SPATA6: variants seen among roughly 807,000 people sequenced by gnomAD.
SPATA6 encodes spermatogenesis associated 6.
Under a neutral mutation model 65.3 loss-of-function variants are expected in SPATA6, and 56 were observed. The ratio of observed to expected loss-of-function variants is 0.86; its 90% CI spans 0.69 to 1.07. The LOEUF (loss-of-function observed/expected upper bound fraction) is 1.07, where lower values mean the gene tolerates loss of function less well. Among genes scored for constraint, SPATA6 ranks in the 50% least tolerant of loss-of-function variants. The pLI is 0.00. For missense variants in SPATA6, 590 were observed against 594.8 expected, an observed-to-expected ratio of 0.99 and a Z score of 0.08; for synonymous variants, 199 against 213.2, an observed-to-expected ratio of 0.93 and a Z score of 0.58.
At chr1:48,415,971 G>A (rs1424677813) in intron 3 of SPATA6, among the ~76,000 whole-genome samples, 2 of 152,174 alleles carry the variant, frequency 1.3e-5, no homozygotes, top group Admixed American at 6.5e-5. Context: ...TCAAGGCTGA[G>A]GAGCGTGGAT....
At chr1:48,419,983 C>T (rs1246903822) in intron 3 of SPATA6, among the ~76,000 whole-genome samples, 1 of 151,914 alleles carries the variant, frequency 6.6e-6, no homozygotes, top group African/African-American at 2.4e-5. Context: ...TTTTGTATGC[C>T]AATACTGACT....
At chr1:48,334,538 T>A (rs1398302106) in intron 11 of SPATA6, among the ~76,000 whole-genome samples, 1 of 152,148 alleles carries the variant, frequency 6.6e-6, no homozygotes, top group Non-Finnish European at 1.5e-5. Flanking sequence ...AAAAACCATA[T>A]GATTATATCA....
the SPATA6 span, among the ~76,000 whole-genome samples, chr1:48,263,951 C>T: frequency 2.6e-4 from 39 of 152,208 alleles, no homozygotes; most frequent in Non-Finnish European, 4.3e-4. Flanking sequence ...CCTCAGCCTC[C>T]CAAGTAGCTA....
chr1:48,364,760 C>A (rs549677627), intron 9 of SPATA6, among the ~76,000 whole-genome samples: 2 of 152,282 alleles, frequency 1.3e-5, no homozygotes, highest in South Asian at 4.1e-4. Flanking sequence ...CCTGTTCACT[C>A]TGATGGTAGT....
chr1:48,364,901 A>C (rs1303163949), intron 9 of SPATA6, among the ~76,000 whole-genome samples: 1 of 152,126 alleles, frequency 6.6e-6, no homozygotes, highest in Non-Finnish European at 1.5e-5. Context: ...GGTATTGCCT[A>C]GGTTTTCTTC....
intron 11 of SPATA6, among the ~76,000 whole-genome samples, chr1:48,330,339 C>T (rs113785870): frequency 0.049 from 7,465 of 152,286 alleles, 234 homozygotes; most frequent in African/African-American, 0.081. Context: ...GTGACGCCTG[C>T]TAGAGCCTCT....
chr1:48,326,634 C>T (rs377502112), intron 11 of SPATA6, among the ~76,000 whole-genome samples: 40 of 151,082 alleles, frequency 2.6e-4, no homozygotes, highest in African/African-American at 9.2e-4. Context: ...ACTATAGTAA[C>T]TAAAACAGCA....
At chr1:48,412,212 A>G (rs1464354234) in intron 4 of SPATA6, among the ~76,000 whole-genome samples, 1 of 152,222 alleles carries the variant, frequency 6.6e-6, no homozygotes, top group Non-Finnish European at 1.5e-5. Context: ...GATGTCATCT[A>G]TAATCACAGA....
chr1:48,310,079 A>G (rs988984259), intron 11 of SPATA6, among the ~76,000 whole-genome samples: 7 of 152,220 alleles, frequency 4.6e-5, no homozygotes, highest in Admixed American at 3.3e-4. Context: ...AAAGCCCCCT[A>G]TGCACACATT....
chr1:48,313,162 G>C (rs1445871765), intron 11 of SPATA6, among the ~76,000 whole-genome samples: 1 of 152,148 alleles, frequency 6.6e-6, no homozygotes, highest in Admixed American at 6.5e-5. Flanking sequence ...TAGCAATGCA[G>C]GCTGACATTC....
At chr1:48,292,830 C>T (rs1225690583), downstream of SPATA6, among the ~76,000 whole-genome samples, 1 of 152,228 alleles carries the variant, frequency 6.6e-6, no homozygotes, top group Non-Finnish European at 1.5e-5. Context: ...AAAACTGGGG[C>T]TAGTGGGTCA....
intron 3 of SPATA6, among the ~76,000 whole-genome samples, chr1:48,448,493 A>C (rs1001038502): frequency 1.4e-5 from 1 of 69,188 alleles, no homozygotes; most frequent in Non-Finnish European, 4.6e-5. Context: ...TCCCCACAGG[A>C]AAAAAAAAAA....
chr1:48,396,697 T>C (rs988657407), intron 7 of SPATA6, among the ~76,000 whole-genome samples: 4 of 151,592 alleles, frequency 2.6e-5, no homozygotes, highest in African/African-American at 9.7e-5. Context: ...TCACACTTAA[T>C]ATGAGGTACC....
At position 48,453,016 on chromosome 1, in the gene SPATA6, T is replaced by C. The variant is rs1183812558; in HGVS notation, c.167A>G (p.Asn56Ser). ...CACCTTTTCAAACACCATTCTGGCATTGAAGACCAGGGGAAAAGTGGCTGG... is the reference window on the plus strand; with the variant it reads ...CACCTTTTCAAACACCATTCTGGCACTGAAGACCAGGGGAAAAGTGGCTGG... ...CVPATFPLVF[N>S]ARMVFEKVFP... The change falls in exon 2 of 13, where the codon AAT (asparagine) becomes AGT (serine). Residue 56 changes from asparagine to serine, a missense_variant. Coordinates refer to ENST00000371847, the MANE Select transcript of SPATA6 (RefSeq NM_019073.4). The C allele has an allele frequency of 1.9e-6, 3 of 1,613,826 alleles. No homozygotes were observed. Among genetic ancestry groups the C allele is most frequent in the Admixed American group, 1.7e-5 (1 of 59,958 alleles).
intron 8 of SPATA6, among the ~76,000 whole-genome samples, chr1:48,388,535 T>C (rs1351810087): frequency 6.6e-6 from 1 of 152,150 alleles, no homozygotes; most frequent in East Asian, 1.9e-4. Context: ...ATTTAAATTA[T>C]TGATTCTAAA....
At chr1:48,354,315 T>G (rs1646596686) in intron 11 of SPATA6, among the ~76,000 whole-genome samples, 1 of 152,064 alleles carries the variant, frequency 6.6e-6, no homozygotes, top group Admixed American at 6.6e-5. Context: ...GTTAAAACCA[T>G]GTGCAACATT....
chr1:48,337,879 T>C (rs1221475096), intron 11 of SPATA6, among the ~76,000 whole-genome samples: 1 of 151,986 alleles, frequency 6.6e-6, no homozygotes, highest in Non-Finnish European at 1.5e-5. Flanking sequence ...GACTGAATAT[T>C]GTTAAGATGT....
rs1478927612 is a variant in SPATA6 at position 48,437,401 on chromosome 1, G to A, written c.238+14151C>T. On this transcript the variant is annotated intron_variant, in intron 3 of 12. Transcript: ENST00000371847. ...CACCAGTTTGTAGTCCCTCTGTTTT[G>A]CACAGAGTACTATGACAAGGAAACA... is the stretch of plus-strand genomic sequence containing the variant. Among the ~76,000 whole-genome samples, 3 of 152,162 alleles carry A rather than the reference G, an allele frequency of 2.0e-5. No homozygotes were observed. In the South Asian group the frequency reaches 6.2e-4, roughly 32 times the overall value.
At chr1:48,277,609 T>C in the SPATA6 span, among the ~76,000 whole-genome samples, 3 of 152,184 alleles carry the variant, frequency 2.0e-5, no homozygotes, top group Non-Finnish European at 4.4e-5. Context: ...AACTGCAAGG[T>C]GGCAGCCAGG....
Sources: gnomAD v4.1 joint callset for allele counts (sites outside exome capture counted in the v4.1 genomes callset) on GRCh38, gnomAD v4.1.1 for gene constraint, MANE v1.5 for transcripts, NCBI Gene and HGNC (gene_info 2026-07-23, HGNC 2026-07-21) for gene names.